Variants in CSMD2 observed in about 807,000 individuals in gnomAD.
CSMD2 encodes the protein CUB and Sushi multiple domains 2, also known as CUB and sushi domain-containing protein 2.
In CSMD2, 130 loss-of-function variants were observed where a neutral mutation model predicts 398.5. The ratio of observed to expected loss-of-function variants is 0.33; its 90% CI spans 0.28 to 0.38. The LOEUF (loss-of-function observed/expected upper bound fraction) is 0.38. Ranked by LOEUF, CSMD2 falls within the 10% of genes least tolerant of loss-of-function variation. The pLI is 1.00. For synonymous variants in CSMD2, 1,828 were observed against 1,908.5 expected (o/e 0.96, Z 1.10); for missense variants, 3,829 against 4,764.9 (o/e 0.80, Z 5.78).
chr1:33,678,050 T>A (rs999316942), intron 25 of CSMD2, among the ~76,000 whole-genome samples: 62 of 151,600 alleles, frequency 4.1e-4, no homozygotes, highest in African/African-American at 1.5e-3. Context: ...ATGGCACATG[T>A]ATACATATGT....
At chr1:33,665,679 C>T (rs1256549673) in intron 25 of CSMD2, among the ~76,000 whole-genome samples, 1 of 151,980 alleles carries the variant, frequency 6.6e-6, no homozygotes, top group Non-Finnish European at 1.5e-5. Context: ...CCTCCTGCCT[C>T]AGCCTCCAAA....
At chr1:34,125,608 C>T (rs1662664238) in intron 1 of CSMD2, among the ~76,000 whole-genome samples, 1 of 151,830 alleles carries the variant, frequency 6.6e-6, no homozygotes, top group Non-Finnish European at 1.5e-5. Flanking sequence ...TGGTTGCTCA[C>T]CAAAATAGCA....
intron 60 of CSMD2, 47 bp downstream of exon 60, chr1:33,540,478 A>C: frequency 5.0e-6 from 8 of 1,598,176 alleles, no homozygotes; most frequent in Non-Finnish European, 6.8e-6. Flanking sequence ...GGCAAGGGGA[A>C]GGAGCTATTG....
intron 6 of CSMD2, 56 bp downstream of exon 6, chr1:33,846,828 C>T: frequency 1.7e-6 from 2 of 1,151,694 alleles, no homozygotes; most frequent in South Asian, 2.9e-5. Flanking sequence ...ATGAGCCCTC[C>T]AGGTGTCATC....
intron 67 of CSMD2, among the ~76,000 whole-genome samples, chr1:33,522,707 C>T (rs1654422386): frequency 6.6e-6 from 1 of 152,214 alleles, no homozygotes; most frequent in Admixed American, 6.5e-5. Context: ...CAATCCAAGA[C>T]AGAGAAGTGG....
Position 33,636,370 on chromosome 1 carries a change from T to C in CSMD2, c.4959A>G (p.Pro1653=), listed in dbSNP as rs200396061. The C allele has an allele frequency of 9.3e-6, 15 of 1,607,730 alleles. No individual in the cohort carries two copies. Among genetic ancestry groups the C allele is most frequent in the Non-Finnish European group, 1.2e-5 (14 of 1,176,972 alleles). Residue 1653 remains proline (P), a synonymous_variant, in exon 30 of 71, where the codon CCA becomes CCG. Transcript: ENST00000373381. This position sits in a 1 kb window ranked among gnomAD's most constrained non-coding sequence, Gnocchi z 4.8. ...CCAGGCTTCCACCACCTGTGCAGAC[T>C]GGCCGGGGATTGTTCCACACGGGCT... ...DGKPVWNNPR[P]VCTAPCGGQY...
At chr1:33,731,549 G>A (rs1646721541) in intron 15 of CSMD2, among the ~76,000 whole-genome samples, 1 of 152,084 alleles carries the variant, frequency 6.6e-6, no homozygotes, top group East Asian at 1.9e-4. Flanking sequence ...GGAAGCAACT[G>A]GCAAAATTCC....
chr1:33,904,798 C>G (rs987349620), intron 5 of CSMD2, among the ~76,000 whole-genome samples: 1 of 152,084 alleles, frequency 6.6e-6, no homozygotes, highest in Non-Finnish European at 1.5e-5. Flanking sequence ...AGTCGCCCAC[C>G]ACCATACCCA....
At chr1:33,527,380 A>AT (rs1241752674) in intron 64 of CSMD2, 122 bp from the exon 65 acceptor site, 25 of 712,338 alleles carry the variant, frequency 3.5e-5, no homozygotes, top group Non-Finnish European at 4.2e-5. Flanking sequence ...CTTTCCCCTT[A>AT]TTTTTTTTAG....
chr1:33,545,576 A>C (rs1570684088), intron 57 of CSMD2, among the ~76,000 whole-genome samples: 3 of 152,160 alleles, frequency 2.0e-5, no homozygotes, highest in Non-Finnish European at 4.4e-5. Flanking sequence ...TCTTTTCTCT[A>C]TAAGAGCATT....
chr1:33,590,988 T>TTC, intron 44 of CSMD2, among the ~76,000 whole-genome samples: 1 of 141,356 alleles, frequency 7.1e-6, no homozygotes, highest in Admixed American at 7.0e-5. Context: ...TATCTTTTTT[T>TTC]TTTTTTTTTT....
chr1:34,146,025 T>C (rs1307948202), intron 1 of CSMD2, among the ~76,000 whole-genome samples: 2 of 152,214 alleles, frequency 1.3e-5, no homozygotes, highest in Non-Finnish European at 2.9e-5. Flanking sequence ...GGCCAAGCCA[T>C]GTTCTTCAAC....
At chr1:33,910,620 G>C (rs938093743) in intron 5 of CSMD2, among the ~76,000 whole-genome samples, 3 of 152,166 alleles carry the variant, frequency 2.0e-5, no homozygotes, top group Admixed American at 1.3e-4. Flanking sequence ...ACATGACTCA[G>C]GCTGGTCCAC....
chr1:33,727,574 C>T (rs1646577858), intron 15 of CSMD2, among the ~76,000 whole-genome samples: 1 of 152,186 alleles, frequency 6.6e-6, no homozygotes, highest in Admixed American at 6.5e-5. Flanking sequence ...AGCAGAAGTG[C>T]TGTACATCAT....
At chr1:33,951,765 C>T (rs1645015046) in intron 3 of CSMD2, among the ~76,000 whole-genome samples, 1 of 152,344 alleles carries the variant, frequency 6.6e-6, no homozygotes, top group East Asian at 1.9e-4. Context: ...CTGGACTCAG[C>T]CATCTGTCCA....
intron 16 of CSMD2, among the ~76,000 whole-genome samples, chr1:33,726,140 T>C (rs919665384): frequency 6.6e-6 from 1 of 152,104 alleles, no homozygotes; most frequent in Non-Finnish European, 1.5e-5. Context: ...GAGCTAGAAG[T>C]GGGGCACATG....
At chr1:33,566,924 A>C (rs988409914) in intron 53 of CSMD2, among the ~76,000 whole-genome samples, 1 of 152,182 alleles carries the variant, frequency 6.6e-6, no homozygotes, top group African/African-American at 2.4e-5. Flanking sequence ...AATCAATCAG[A>C]TATATCTCAT....
intron 1 of CSMD2, among the ~76,000 whole-genome samples, chr1:34,102,036 CTT>C (rs10707228): frequency 6.1e-5 from 9 of 147,270 alleles, no homozygotes; most frequent in Non-Finnish European, 4.5e-5. Flanking sequence ...AAAATGTTCA[CTT>C]TTTTTTTTTT....
At chr1:33,995,081 A>G (rs899534001) in intron 3 of CSMD2, among the ~76,000 whole-genome samples, 21 of 152,154 alleles carry the variant, frequency 1.4e-4, no homozygotes, top group Non-Finnish European at 2.4e-4. Flanking sequence ...GAAAAGAAAA[A>G]AAAAAAAAAG....
Sources: allele counts gnomAD v4.1 joint callset (sites outside exome capture counted in the v4.1 genomes callset), GRCh38; gene constraint gnomAD v4.1.1; non-coding constraint Gnocchi (gnomAD v3.1); transcripts MANE v1.5; gene names NCBI Gene and HGNC (gene_info 2026-07-23, HGNC 2026-07-21).